The following MBNL3 variants were observed in gnomAD, a reference collection of about 807,000 sequenced individuals.
MBNL3 encodes the protein muscleblind like splicing regulator 3, also known as muscleblind-like protein 3.
MBNL3 carries 6 observed loss-of-function variants against 24.5 expected under a neutral mutation model. The observed-to-expected ratio is 0.25, with a 90% CI of 0.13 to 0.48. The LOEUF is 0.48. Among genes scored for constraint, MBNL3 ranks in the 20% least tolerant of loss-of-function variants. The pLI is 0.99. For missense variants in MBNL3, 230 were observed against 293.5 expected, an observed-to-expected ratio of 0.78 and a Z score of 1.58; for synonymous variants, 100 against 101.7, an observed-to-expected ratio of 0.98 and a Z score of 0.10.
Position 132,476,207 on chromosome X carries a change from G to GT in MBNL3, c.-704+12643dup, listed in dbSNP as rs201194722. Among the ~76,000 whole-genome samples, 340 of 107,767 alleles carry GT rather than the reference G, an allele frequency of 3.2e-3. 1 individual carries two copies. The highest frequency in any genetic ancestry group is 0.014 in the Admixed American group (141 of 10,104). The allele number at this position is 107,767 out of a possible 115,157, so 93.6% of individuals were successfully genotyped here. A position where few individuals can be genotyped will look rare whatever the true frequency, so the allele number is the denominator to read the frequency against. ...TCTCCTGGATCTGAGATGATCAAGT[G>GT]TTTTTTTTTCAACATGATTATATTT... On this transcript the variant is annotated intron_variant, in intron 1 of 8. Transcript: ENST00000370853.
At chrX:132,435,934 A>G (rs1456032935) in intron 2 of MBNL3, among the ~76,000 whole-genome samples, 1 of 111,939 alleles carries the variant, frequency 8.9e-6, no homozygotes, top group Admixed American at 9.5e-5. Context: ...ACATTGCTTC[A>G]AGTATAAAGG....
At chrX:132,470,446 T>G (rs1463113321) in intron 1 of MBNL3, among the ~76,000 whole-genome samples, 1 of 110,214 alleles carries the variant, frequency 9.1e-6, no homozygotes, top group Non-Finnish European at 1.9e-5. Flanking sequence ...AATAGGAAAG[T>G]CCTAGGGAGC....
At chrX:132,423,293 A>G (rs1943991746) in intron 2 of MBNL3, among the ~76,000 whole-genome samples, 1 of 111,700 alleles carries the variant, frequency 9.0e-6, no homozygotes, top group Non-Finnish European at 1.9e-5. Flanking sequence ...AAACATTTCC[A>G]GAGTGTTTTC....
chrX:132,413,664 T>A, intron 2 of MBNL3: 1 of 1,017,491 alleles, frequency 9.8e-7, no homozygotes, highest in Non-Finnish European at 1.3e-6. Context: ...ACCAAAAGCT[T>A]CACACGGCTC....
chrX:132,409,273 G>A (rs1727203147), intron 2 of MBNL3, among the ~76,000 whole-genome samples: 2 of 112,100 alleles, frequency 1.8e-5, no homozygotes, highest in Admixed American at 1.9e-4. Context: ...GTTAACACTT[G>A]TTTTTTAATC....
chrX:132,391,989 AG>A (rs1323277453), intron 4 of MBNL3, among the ~76,000 whole-genome samples, 153 bp downstream of exon 4: 1 of 112,125 alleles, frequency 8.9e-6, no homozygotes, highest in African/African-American at 3.2e-5. Flanking sequence ...CTTTATAACA[AG>A]GTATGATTGC....
In MBNL3 at chrX:132,373,253, A is replaced by G. The variant is rs190632542; in HGVS notation, c.*6413T>C. 9.9e-5 allele frequency: 11 copies of G among 111,592 alleles called. No homozygotes were observed. The highest frequency in any genetic ancestry group is 1.6e-4 in the African/African-American group (5 of 30,795). The allele number at this position is 111,592 out of a possible 1,213,427, so 9.2% of individuals were successfully genotyped here. On this transcript the variant is annotated 3_prime_UTR_variant, in exon 9 of 9. Transcript: ENST00000370853. ...TCCTGACTTAAAATGTCGTATCTCT[A>G]TTGACCTTAGAAAAATACATTCTTG...
At chrX:132,420,965 T>C (rs1943760254) in intron 2 of MBNL3, among the ~76,000 whole-genome samples, 1 of 112,299 alleles carries the variant, frequency 8.9e-6, no homozygotes, top group South Asian at 3.7e-4. Context: ...CTCTAATGTA[T>C]TTGTTCCCAA....
At position 132,440,041 on chromosome X, in the gene MBNL3, C is replaced by G. The variant is rs1945317212; in HGVS notation, c.-430G>C. Among the ~76,000 whole-genome samples the G allele has an allele frequency of 9.0e-6, 1 of 110,920 alleles. No homozygotes were observed. Among genetic ancestry groups the G allele is most frequent in the African/African-American group, 3.3e-5 (1 of 30,480 alleles). On this transcript the variant is annotated 5_prime_UTR_variant, in exon 2 of 9. Coordinates refer to ENST00000370853, the MANE Select transcript of MBNL3 (RefSeq NM_001386889.1). Reference sequence around the variant, plus strand: ...ATCAGGGGGAGAAAAGTTTTTCTCCCTATTTATTAGCTTTAAATAACAAGA... The same window carrying G: ...ATCAGGGGGAGAAAAGTTTTTCTCCGTATTTATTAGCTTTAAATAACAAGA...
At chrX:132,424,651 T>C (rs1210397718) in intron 2 of MBNL3, among the ~76,000 whole-genome samples, 1 of 111,632 alleles carries the variant, frequency 9.0e-6, no homozygotes, top group Non-Finnish European at 1.9e-5. Flanking sequence ...CATTACACTT[T>C]CCTTATGTTT....
chrX:132,396,873 T>G (rs1383265666), intron 3 of MBNL3, among the ~76,000 whole-genome samples: 2 of 68,753 alleles, frequency 2.9e-5, no homozygotes, highest in African/African-American at 1.2e-4. Flanking sequence ...TATATTCATA[T>G]ATACATATAT....
chrX:132,430,084 G>A (rs112060705), intron 2 of MBNL3: 3 of 110,550 alleles, frequency 2.7e-5, no homozygotes, highest in Non-Finnish European at 5.7e-5. Context: ...CTCATGATCA[G>A]TCATGACTAG....
intron 1 of MBNL3, among the ~76,000 whole-genome samples, chrX:132,469,825 T>C (rs1947082360): frequency 9.0e-6 from 1 of 111,402 alleles, no homozygotes; most frequent in South Asian, 3.7e-4. Context: ...TATAACACTT[T>C]TACTCCCCCA....
At chrX:132,440,573 G>A (rs1449053515) in intron 1 of MBNL3, among the ~76,000 whole-genome samples, 3 of 111,399 alleles carry the variant, frequency 2.7e-5, no homozygotes, top group Non-Finnish European at 5.7e-5. Flanking sequence ...TGGGGTGGAG[G>A]ATGGAAACGT....
At chrX:132,438,840 G>T (rs924515261) in intron 2 of MBNL3, among the ~76,000 whole-genome samples, 1 of 106,660 alleles carries the variant, frequency 9.4e-6, no homozygotes, top group Non-Finnish European at 1.9e-5. Context: ...ATCTGTCCAG[G>T]AGGAAAATTA....
At chrX:132,413,641 C>T (rs1338144296) in intron 2 of MBNL3, 2 of 1,045,918 alleles carry the variant, frequency 1.9e-6, no homozygotes, top group Non-Finnish European at 2.5e-6. Context: ...ATTTTTGATC[C>T]ATAGCTCCTC....
intron 1 of MBNL3, among the ~76,000 whole-genome samples, chrX:132,486,444 C>T (rs1415722536): frequency 9.0e-6 from 1 of 111,630 alleles, no homozygotes; most frequent in African/African-American, 3.3e-5. Flanking sequence ...GGAAGTATCA[C>T]AGTGAAGCTG....
At chrX:132,392,069 G>T in intron 4 of MBNL3, 74 bp downstream of exon 4, 1 of 924,252 alleles carries the variant, frequency 1.1e-6, no homozygotes, top group East Asian at 3.3e-5. Flanking sequence ...CAACACACTG[G>T]GCTCTGAGAA....
At chrX:132,435,268 C>T (rs1945055594) in intron 2 of MBNL3, among the ~76,000 whole-genome samples, 1 of 111,474 alleles carries the variant, frequency 9.0e-6, no homozygotes, top group Non-Finnish European at 1.9e-5. Context: ...AGATACTTCC[C>T]TTTAAAGGTT....
Sources: allele counts gnomAD v4.1 joint callset (sites outside exome capture counted in the v4.1 genomes callset), GRCh38; gene constraint gnomAD v4.1.1; transcripts MANE v1.5; gene names NCBI Gene and HGNC (gene_info 2026-07-23, HGNC 2026-07-21).